MACROD2: variants seen among roughly 807,000 people sequenced by gnomAD.
MACROD2 encodes the protein mono-ADP ribosylhydrolase 2.
A neutral mutation model predicts 70.4 loss-of-function variants in MACROD2; 36 were observed. The observed-to-expected ratio is 0.51, with a 90% CI of 0.39 to 0.68. The LOEUF (loss-of-function observed/expected upper bound fraction) is 0.68, where lower values mean the gene tolerates loss of function less well. Ranked by LOEUF, MACROD2 falls within the 30% of genes least tolerant of loss-of-function variation. MACROD2 has a pLI of 0.00. For synonymous variants in MACROD2, 172 were observed against 178.8 expected (o/e 0.96, Z 0.30); for missense variants, 496 against 538.4 (o/e 0.92, Z 0.78).
intron 8 of MACROD2, among the ~76,000 whole-genome samples, chr20:15,763,499 A>G (rs1437584427): frequency 6.6e-6 from 1 of 152,208 alleles, no homozygotes; most frequent in Non-Finnish European, 1.5e-5. Flanking sequence ...AGGTGTTCTC[A>G]GATTGTGACT....
chr20:15,889,983 C>A (rs2147217551), intron 10 of MACROD2, among the ~76,000 whole-genome samples: 2 of 152,210 alleles, frequency 1.3e-5, no homozygotes, highest in East Asian at 3.9e-4. Context: ...GTTGTTCCTC[C>A]CAAGCCACAA....
At chr20:14,944,495 A>G (rs1319666035) in intron 5 of MACROD2, among the ~76,000 whole-genome samples, 4 of 152,194 alleles carry the variant, frequency 2.6e-5, no homozygotes, top group African/African-American at 9.7e-5. Flanking sequence ...CGGTACTGTC[A>G]GTACTAGGCT....
At chr20:15,284,566 A>G (rs2077475014) in intron 6 of MACROD2, among the ~76,000 whole-genome samples, 1 of 152,134 alleles carries the variant, frequency 6.6e-6, no homozygotes, top group South Asian at 2.1e-4. Context: ...TGATAATGTC[A>G]TCTTTTCCCC....
chr20:14,741,200 A>C (rs976537230), intron 5 of MACROD2, among the ~76,000 whole-genome samples: 8 of 152,304 alleles, frequency 5.3e-5, no homozygotes, highest in Middle Eastern at 3.4e-3. Flanking sequence ...ATATTCACAC[A>C]TATATTGTAT....
chr20:15,556,255 T>A (rs2048167622), intron 8 of MACROD2, among the ~76,000 whole-genome samples: 1 of 152,208 alleles, frequency 6.6e-6, no homozygotes, highest in Non-Finnish European at 1.5e-5. Context: ...AGTACAGGGT[T>A]GTGTGAGAGG....
intron 5 of MACROD2, among the ~76,000 whole-genome samples, chr20:14,882,331 T>C (rs1183620256): frequency 1.3e-5 from 2 of 152,192 alleles, no homozygotes; most frequent in Non-Finnish European, 2.9e-5. Flanking sequence ...ATCATCGCAG[T>C]GTTTGAAAAT....
intron 5 of MACROD2, among the ~76,000 whole-genome samples, chr20:14,782,096 G>T (rs761189480): frequency 2.6e-5 from 4 of 151,768 alleles, no homozygotes; most frequent in Admixed American, 6.6e-5. Context: ...GATAATTTTT[G>T]CATTTTTAGT....
intron 6 of MACROD2, among the ~76,000 whole-genome samples, chr20:15,330,493 T>TAGTG (rs1309555515): frequency 2.7e-5 from 4 of 146,036 alleles, no homozygotes; most frequent in Non-Finnish European, 6.1e-5. Context: ...AGGTGTAGAT[T>TAGTG]AGTGGTTGGG....
At chr20:14,571,916 T>C (rs1221620743) in intron 4 of MACROD2, among the ~76,000 whole-genome samples, 2 of 152,106 alleles carry the variant, frequency 1.3e-5, no homozygotes, top group East Asian at 1.9e-4. Context: ...GAAGGTACTT[T>C]ATTAGTTCAA....
intron 8 of MACROD2, among the ~76,000 whole-genome samples, chr20:15,554,869 A>G (rs2048145411): frequency 6.6e-6 from 1 of 152,214 alleles, no homozygotes; most frequent in African/African-American, 2.4e-5. Flanking sequence ...GGAGGGAATA[A>G]ACAGCTACAT....
intron 1 of MACROD2, chr20:13,996,505 C>T (rs1219419224): frequency 6.5e-6 from 1 of 152,804 alleles, no homozygotes; most frequent in Admixed American, 6.5e-5. Context: ...CATTCATGGG[C>T]TGAAGTTGCT....
chr20:15,496,714 G>T (rs1317503550), intron 7 of MACROD2, among the ~76,000 whole-genome samples: 2 of 152,196 alleles, frequency 1.3e-5, no homozygotes, highest in African/African-American at 4.8e-5. Flanking sequence ...AGAAGACTGA[G>T]AAATAAATCT....
chr20:15,875,661 G>A (rs767448806), intron 9 of MACROD2, among the ~76,000 whole-genome samples: 5 of 151,896 alleles, frequency 3.3e-5, no homozygotes, highest in African/African-American at 9.7e-5. Context: ...CCCTTCCAAC[G>A]GAGGGGAGTG....
At chr20:14,919,853 C>T (rs2074140014) in intron 5 of MACROD2, among the ~76,000 whole-genome samples, 1 of 152,202 alleles carries the variant, frequency 6.6e-6, no homozygotes, top group South Asian at 2.1e-4. Flanking sequence ...CATTTCAAGG[C>T]TCCACCTGCC....
intron 4 of MACROD2, among the ~76,000 whole-genome samples, chr20:14,515,471 A>ACACGCGCG (rs1555798359): frequency 1.0e-4 from 10 of 99,786 alleles, no homozygotes; most frequent in African/African-American, 3.4e-4. Context: ...ACACGCACAC[A>ACACGCGCG]CACACACACA....
At chr20:14,964,589 T>TA (rs370363407) in intron 5 of MACROD2, among the ~76,000 whole-genome samples, 3,170 of 147,118 alleles carry the variant, frequency 0.022, 95 homozygotes, top group African/African-American at 0.07. Flanking sequence ...ATAAAAAAAA[T>TA]AAAAAAAAAA....
chr20:14,707,111 C>T (rs933557745), intron 5 of MACROD2, among the ~76,000 whole-genome samples: 1 of 152,130 alleles, frequency 6.6e-6, no homozygotes, highest in Non-Finnish European at 1.5e-5. Context: ...GTTTACTCCT[C>T]TCTGTTTGAA....
intron 8 of MACROD2, among the ~76,000 whole-genome samples, chr20:15,757,656 T>G (rs1435937726): frequency 6.6e-6 from 1 of 152,146 alleles, no homozygotes; most frequent in Admixed American, 6.5e-5. Context: ...TTCTCATACT[T>G]CTAGAGGCTG....
At chr20:14,685,912 A>G (rs1031426683) in intron 5 of MACROD2, among the ~76,000 whole-genome samples, 4 of 152,240 alleles carry the variant, frequency 2.6e-5, no homozygotes, top group African/African-American at 9.6e-5. Context: ...ACAGGTTGTC[A>G]TAACAGTGAA....
Sources: allele counts gnomAD v4.1 joint callset (sites outside exome capture counted in the v4.1 genomes callset), GRCh38; gene constraint gnomAD v4.1.1; transcripts MANE v1.5; gene names NCBI Gene and HGNC (gene_info 2026-07-23, HGNC 2026-07-21).